UNC5D: variants seen among roughly 807,000 people sequenced by gnomAD.
UNC5D encodes the protein netrin receptor UNC5D.
Under a neutral mutation model 105.4 loss-of-function variants are expected in UNC5D, and 39 were observed. The ratio of observed to expected loss-of-function variants is 0.37; its 90% CI spans 0.29 to 0.48. The LOEUF is 0.48. Ranked by LOEUF, UNC5D falls within the 20% of genes least tolerant of loss-of-function variation. UNC5D has a pLI of 0.98. For synonymous variants in UNC5D, 452 were observed against 450.4 expected, an observed-to-expected ratio of 1.00 and a Z score of -0.04; for missense variants, 991 against 1,202.4, an observed-to-expected ratio of 0.82 and a Z score of 2.60.
At chr8:35,286,807 C>T (rs1806633790) in intron 1 of UNC5D, among the ~76,000 whole-genome samples, 2 of 152,176 alleles carry the variant, frequency 1.3e-5, no homozygotes, top group Admixed American at 6.5e-5. Context: ...CCTTGTCCAC[C>T]TTGTGTGGCT....
intron 4 of UNC5D, among the ~76,000 whole-genome samples, chr8:35,650,689 C>CAAATATAGTTTGACCTGAGG (rs1243280225): frequency 3.9e-5 from 6 of 152,030 alleles, no homozygotes; most frequent in African/African-American, 2.4e-5. Flanking sequence ...CCAGGCTGGT[C>CAAATATAGTTTGACCTGAGG]TCAAACTTCT....
rs111425313 is a variant in UNC5D at position 35,398,682 on chromosome 8, A to T, written c.104-150610A>T. 6.8e-3 allele frequency among the ~76,000 whole-genome samples: 1,039 copies of T among 152,158 alleles called. 16 individuals carry two copies. The highest frequency in any genetic ancestry group is 0.024 in the African/African-American group (997 of 41,498). On this transcript the variant is annotated intron_variant, in intron 1 of 16. Coordinates refer to ENST00000404895, the MANE Select transcript of UNC5D (RefSeq NM_080872.4). ...GAATACATAAGGAATTAATTTGGTT[A>T]TCTTAGAAAAATGTAGTGGTGGACT...
At chr8:35,249,515 A>C (rs1213901896) in intron 1 of UNC5D, among the ~76,000 whole-genome samples, 1 of 150,698 alleles carries the variant, frequency 6.6e-6, no homozygotes, top group Non-Finnish European at 1.5e-5. Context: ...CCGAGATTGC[A>C]CCACTGCACT....
chr8:35,624,929 C>T (rs888517228), intron 4 of UNC5D, among the ~76,000 whole-genome samples: 10 of 152,216 alleles, frequency 6.6e-5, no homozygotes, highest in Non-Finnish European at 1.0e-4. Context: ...TTTTCAATTA[C>T]GGGAATGTTA....
At position 35,578,333 on chromosome 8, in the gene UNC5D, A is replaced by C. The variant is rs574508313; in HGVS notation, c.466+10092A>C. 3.3e-5 allele frequency among the ~76,000 whole-genome samples: 5 copies of C among 152,010 alleles called. No individual in the cohort carries two copies. In the South Asian group the frequency reaches 1.0e-3, roughly 32 times the overall value. On this transcript the variant is annotated intron_variant, in intron 3 of 16. Coordinates refer to ENST00000404895, the MANE Select transcript of UNC5D (RefSeq NM_080872.4). ...TTCCTATGGTTAAAAATGTTTAACC[A>C]TAGGAAGGCATTACACATACCTGTG...
At chr8:35,733,178 C>T (rs905949416) in intron 11 of UNC5D, among the ~76,000 whole-genome samples, 1 of 152,204 alleles carries the variant, frequency 6.6e-6, no homozygotes, top group Admixed American at 6.5e-5. Context: ...TGACCTGTCA[C>T]TGGGCTAAAG....
chr8:35,533,158 T>G (rs1814536963), intron 1 of UNC5D, among the ~76,000 whole-genome samples: 1 of 152,176 alleles, frequency 6.6e-6, no homozygotes, highest in Admixed American at 6.5e-5. Flanking sequence ...CTGTTCTGTT[T>G]TTTCCCCATC....
chr8:35,790,770 C>T lies in UNC5D; in HGVS notation c.*207C>T, dbSNP rs1803004371. 1 of 592,934 alleles carries T rather than the reference C, an allele frequency of 1.7e-6. No individual in the cohort carries two copies. Among genetic ancestry groups the T allele is most frequent in the South Asian group, 2.1e-5 (1 of 47,844 alleles). The allele number at this position is 592,934 out of a possible 1,614,324, so 36.7% of individuals were successfully genotyped here. A position where few individuals can be genotyped will look rare whatever the true frequency, so the allele number is the denominator to read the frequency against. On this transcript the variant is annotated 3_prime_UTR_variant, in exon 17 of 17. Coordinates refer to ENST00000404895, the MANE Select transcript of UNC5D (RefSeq NM_080872.4). ...AAGCTCTCTTACATATAAGAGGGCT[C>T]TACTATCTCCTTGGAATCCACATTT...
chr8:35,487,593 A>ACACACACACACACACACACACCCCCCC (rs1415748793), intron 1 of UNC5D, among the ~76,000 whole-genome samples: 2 of 150,472 alleles, frequency 1.3e-5, no homozygotes, highest in African/African-American at 4.9e-5. Flanking sequence ...ACACACACAC[A>ACACACACACACACACACACACCCCCCC]CCCCACAGAC....
chr8:35,446,309 G>A (rs1485205354), intron 1 of UNC5D, among the ~76,000 whole-genome samples: 5 of 151,898 alleles, frequency 3.3e-5, no homozygotes, highest in South Asian at 4.1e-4. Flanking sequence ...TAATTGCAAC[G>A]TAACTCATAT....
chr8:35,619,998 A>G (rs1821261431), intron 4 of UNC5D, among the ~76,000 whole-genome samples: 1 of 152,192 alleles, frequency 6.6e-6, no homozygotes, highest in African/African-American at 2.4e-5. Context: ...AACTCAGCTC[A>G]TTCGCTCAGC....
intron 16 of UNC5D, among the ~76,000 whole-genome samples, chr8:35,774,925 C>CAAAAAAAA (rs1802174425): frequency 9.3e-6 from 1 of 107,978 alleles, no homozygotes; most frequent in African/African-American, 1.4e-4. Context: ...AGACCCTCCT[C>CAAAAAAAA]CAAAAAAAAA....
intron 11 of UNC5D, 107 bp from the exon 12 acceptor site, chr8:35,748,420 A>T (rs1388894904): frequency 8.5e-7 from 1 of 1,181,474 alleles, no homozygotes; most frequent in Non-Finnish European, 1.2e-6. Flanking sequence ...CCTGGAAAGG[A>T]ATATTTATAA....
At chr8:35,547,468 T>C (rs1815779061) in intron 1 of UNC5D, among the ~76,000 whole-genome samples, 1 of 152,090 alleles carries the variant, frequency 6.6e-6, no homozygotes, top group Admixed American at 6.6e-5. Context: ...CTGGATACTA[T>C]TTTTATTTTT....
intron 1 of UNC5D, among the ~76,000 whole-genome samples, chr8:35,537,000 C>A (rs115512098): frequency 0.14 from 21,804 of 151,722 alleles, 1,937 homozygotes; most frequent in East Asian, 0.27. Context: ...TATCTCTAAA[C>A]AAAACAAAAC....
chr8:35,485,793 A>G (rs1436865145), intron 1 of UNC5D, among the ~76,000 whole-genome samples: 1 of 152,186 alleles, frequency 6.6e-6, no homozygotes, highest in Non-Finnish European at 1.5e-5. Context: ...ATTGGAACCT[A>G]AGATCTGTCA....
chr8:35,245,960 A>G (rs1803065029), intron 1 of UNC5D, among the ~76,000 whole-genome samples: 2 of 152,180 alleles, frequency 1.3e-5, no homozygotes, highest in South Asian at 4.1e-4. Flanking sequence ...AATTCTGCTA[A>G]CCATCACTTC....
At chr8:35,411,638 C>A (rs1234613531) in intron 1 of UNC5D, among the ~76,000 whole-genome samples, 1 of 152,060 alleles carries the variant, frequency 6.6e-6, no homozygotes, top group East Asian at 1.9e-4. Context: ...GCCATCTTAC[C>A]TGTAAACCAC....
rs1416209012 is a variant in UNC5D, at chr8:35,271,740, TATTTATAC to T, written c.103+35856_103+35863del. Reference sequence around the variant, plus strand: ...ATACATGTATACATGTATACATATATATTTATACATGTATACATGTATACATATATTTA... The same window carrying T: ...ATACATGTATACATGTATACATATATATGTATACATGTATACATATATTTA... On this transcript the variant is annotated intron_variant, in intron 1 of 16. Coordinates refer to ENST00000404895, the MANE Select transcript of UNC5D (RefSeq NM_080872.4). 2.0e-3 allele frequency among the ~76,000 whole-genome samples: 261 copies of T among 127,482 alleles called. 10 individuals carry two copies. The highest frequency in any genetic ancestry group is 5.9e-3 in the African/African-American group (196 of 33,248). 83.6% of individuals were successfully genotyped at this position (127,482 alleles called of 152,430 possible). A position where few individuals can be genotyped will look rare whatever the true frequency, so the allele number is the denominator to read the frequency against.
Sources: allele counts gnomAD v4.1 joint callset (sites outside exome capture counted in the v4.1 genomes callset), GRCh38; gene constraint gnomAD v4.1.1; transcripts MANE v1.5; gene names NCBI Gene and HGNC (gene_info 2026-07-23, HGNC 2026-07-21).